The following UBAP2 variants were observed in gnomAD, a reference collection of about 807,000 sequenced individuals.
The protein encoded by UBAP2 is ubiquitin associated protein 2.
In UBAP2, 75 loss-of-function variants were observed where a neutral mutation model predicts 139.6. The observed-to-expected ratio is 0.54, with a 90% confidence interval of 0.45 to 0.65. The LOEUF is 0.65. UBAP2 is among the 30% of genes least tolerant of loss of function. The pLI is 0.00. For missense variants in UBAP2, 1,368 were observed against 1,369.6 expected (o/e 1.00, Z 0.02); for synonymous variants, 526 against 526.2 (o/e 1.00, Z 0.01).
intron 6 of UBAP2, among the ~76,000 whole-genome samples, chr9:33,986,400 C>T (rs1821216952): frequency 6.6e-6 from 1 of 152,096 alleles, no homozygotes; most frequent in African/African-American, 2.4e-5. Context: ...TCACTGAAAG[C>T]TCAAATGATC....
chr9:33,974,382 C>CA (rs1341912887), intron 6 of UBAP2, among the ~76,000 whole-genome samples: 1 of 152,128 alleles, frequency 6.6e-6, no homozygotes, highest in African/African-American at 2.4e-5. Context: ...TGGTACATGC[C>CA]TGTAGTCCCA....
chr9:33,964,265 T>C (rs1827288146), intron 8 of UBAP2, among the ~76,000 whole-genome samples: 1 of 152,142 alleles, frequency 6.6e-6, no homozygotes, highest in South Asian at 2.1e-4. Flanking sequence ...GCCAATACCA[T>C]TCTGTGAGGC....
At chr9:33,963,022 T>C (rs559861155) in intron 9 of UBAP2, among the ~76,000 whole-genome samples, 2 of 152,098 alleles carry the variant, frequency 1.3e-5, no homozygotes, top group East Asian at 1.9e-4. Context: ...TAAAAAAGAC[T>C]GGCCTACCAC....
At chr9:33,928,990 G>C (rs892200221) in intron 19 of UBAP2, among the ~76,000 whole-genome samples, 6 of 152,206 alleles carry the variant, frequency 3.9e-5, no homozygotes, top group East Asian at 3.8e-4. Flanking sequence ...GATTCACCAA[G>C]GTAAAGACAG....
At chr9:33,969,047 T>A (rs936388632) in intron 8 of UBAP2, among the ~76,000 whole-genome samples, 2 of 152,242 alleles carry the variant, frequency 1.3e-5, no homozygotes, top group African/African-American at 4.8e-5. Context: ...CTATGTATAT[T>A]CTATATTTTG....
chr9:33,992,660 G>A (rs544682197), intron 4 of UBAP2, among the ~76,000 whole-genome samples: 8 of 115,868 alleles, frequency 6.9e-5, no homozygotes, highest in Non-Finnish European at 1.3e-4. Flanking sequence ...TCGGGCGGAG[G>A]GGGGGGGGCA....
At chr9:34,015,987 C>A (rs1162566022) in intron 2 of UBAP2, among the ~76,000 whole-genome samples, 1 of 152,084 alleles carries the variant, frequency 6.6e-6, no homozygotes, top group East Asian at 1.9e-4. Context: ...TTTTTAAAGT[C>A]TATTGTAATT....
intron 2 of UBAP2, among the ~76,000 whole-genome samples, chr9:34,001,898 G>T (rs1308313159): frequency 6.6e-6 from 1 of 151,058 alleles, no homozygotes; most frequent in Non-Finnish European, 1.5e-5. Context: ...AAGAAAAATT[G>T]AAAAATCCAT....
At chr9:34,008,314 G>A (rs865930429) in intron 2 of UBAP2, among the ~76,000 whole-genome samples, 17 of 105,216 alleles carry the variant, frequency 1.6e-4, no homozygotes, top group South Asian at 2.7e-4. Flanking sequence ...GCGAAACTCC[G>A]TCTCAAAAAA....
chr9:33,960,468 C>A (rs10971824), intron 10 of UBAP2, among the ~76,000 whole-genome samples: 2 of 152,138 alleles, frequency 1.3e-5, no homozygotes, highest in African/African-American at 4.8e-5. Flanking sequence ...AAGTCCCCAC[C>A]AAACACCGAA....
intron 1 of UBAP2, among the ~76,000 whole-genome samples, chr9:34,032,473 G>A (rs1825969550): frequency 6.6e-6 from 1 of 152,132 alleles, no homozygotes; most frequent in Non-Finnish European, 1.5e-5. Flanking sequence ...GGGGATAAAG[G>A]AGGAAAACCA....
intron 1 of UBAP2, among the ~76,000 whole-genome samples, chr9:34,032,781 G>C (rs1214275717): frequency 2.0e-5 from 3 of 151,992 alleles, no homozygotes; most frequent in African/African-American, 7.2e-5. Flanking sequence ...AAAATTAGCT[G>C]GGCGTGGTTG....
At chr9:33,986,134 C>T (rs1325716206) in intron 6 of UBAP2, among the ~76,000 whole-genome samples, 2 of 151,288 alleles carry the variant, frequency 1.3e-5, no homozygotes, top group South Asian at 2.1e-4. Context: ...CTCACTGCAA[C>T]CTCCACCTCT....
At chr9:34,044,038 C>G (rs1441826840) in intron 1 of UBAP2, among the ~76,000 whole-genome samples, 1 of 137,164 alleles carries the variant, frequency 7.3e-6, no homozygotes, top group Non-Finnish European at 1.5e-5. Flanking sequence ...TTGCAGTGAA[C>G]AGAGATCACA....
rs376127504 is a variant in UBAP2 at position 33,956,176 on chromosome 9, A to C, written c.799-30T>G. 1.6e-5 allele frequency: 25 copies of C among 1,568,404 alleles called. No homozygotes were observed. In the African/African-American group the frequency reaches 3.0e-4, roughly 19 times the overall value. On this transcript the variant is annotated intron_variant, in intron 10 of 28. Coordinates refer to ENST00000379238, the MANE Select transcript of UBAP2 (RefSeq NM_001370062.2). The stretch of plus-strand genomic sequence containing the variant: ...ATGGAAAGTTGAAAAATTTAATCTT[A>C]TTCTACATACTACTAAACCCAAAAC...
chr9:34,015,970 A>T (rs779045926), intron 2 of UBAP2, among the ~76,000 whole-genome samples: 1 of 152,160 alleles, frequency 6.6e-6, no homozygotes, highest in Non-Finnish European at 1.5e-5. Flanking sequence ...TGCCCAGCAA[A>T]GGCAGCTTTT....
At chr9:33,970,834 G>T (rs535277582) in intron 8 of UBAP2, among the ~76,000 whole-genome samples, 1 of 151,972 alleles carries the variant, frequency 6.6e-6, no homozygotes, top group East Asian at 1.9e-4. Flanking sequence ...ATGAAGTCTC[G>T]CTCTGTTGCC....
At chr9:34,036,604 G>A (rs1025057965) in intron 1 of UBAP2, among the ~76,000 whole-genome samples, 1 of 152,144 alleles carries the variant, frequency 6.6e-6, no homozygotes, top group African/African-American at 2.4e-5. Flanking sequence ...AGCAACTGAA[G>A]ATCAGGAACC....
At chr9:34,000,282 T>G (rs1437208834) in intron 2 of UBAP2, among the ~76,000 whole-genome samples, 1 of 152,168 alleles carries the variant, frequency 6.6e-6, no homozygotes, top group East Asian at 1.9e-4. Context: ...ATCTGGCTAT[T>G]TGCAGAAAAA....
Sources: gnomAD v4.1 joint callset for allele counts (sites outside exome capture counted in the v4.1 genomes callset) on GRCh38, gnomAD v4.1.1 for gene constraint, MANE v1.5 for transcripts, NCBI Gene and HGNC (gene_info 2026-07-23, HGNC 2026-07-21) for gene names.